DAPK1: variants seen among roughly 807,000 people sequenced by gnomAD.
The protein encoded by DAPK1 is death associated protein kinase 1, also known as death-associated protein kinase 1.
Under a neutral mutation model 144.9 loss-of-function variants are expected in DAPK1, and 56 were observed. That is an observed-to-expected ratio of 0.39 (90% CI 0.31 to 0.48). DAPK1 has a LOEUF of 0.48. DAPK1 is among the 20% of genes least tolerant of loss of function. The pLI is 0.95. For missense variants in DAPK1, 1,454 were observed against 1,875.4 expected, an observed-to-expected ratio of 0.78 and a Z score of 4.15; for synonymous variants, 690 against 749.0, an observed-to-expected ratio of 0.92 and a Z score of 1.29.
At chr9:87,501,164 T>A (rs113606342) in intron 2 of DAPK1, among the ~76,000 whole-genome samples, 1 of 152,144 alleles carries the variant, frequency 6.6e-6, no homozygotes, top group African/African-American at 2.4e-5. Context: ...TGGGCAGATA[T>A]GTGGCACAAA....
intron 2 of DAPK1, among the ~76,000 whole-genome samples, chr9:87,548,735 T>TGAGC (rs1826355558): frequency 2.0e-5 from 3 of 152,132 alleles, no homozygotes; most frequent in Non-Finnish European, 2.9e-5. Flanking sequence ...TTGCTCCTGG[T>TGAGC]GAGCGTGCAC....
At chr9:87,539,427 TCA>T in intron 2 of DAPK1, among the ~76,000 whole-genome samples, 1 of 95,424 alleles carries the variant, frequency 1.0e-5, no homozygotes, top group Non-Finnish European at 2.2e-5. Flanking sequence ...TTTAAATTTC[TCA>T]CTTTTTTTTT....
intron 10 of DAPK1, 28 bp from the exon 11 acceptor site, chr9:87,643,348 T>A: frequency 7.0e-6 from 2 of 287,444 alleles, no homozygotes; most frequent in Non-Finnish European, 9.7e-6. Flanking sequence ...CCGCCCTCCC[T>A]TTTTTTTTTT....
At chr9:87,642,619 A>G (rs1830135282) in intron 10 of DAPK1, among the ~76,000 whole-genome samples, 1 of 152,132 alleles carries the variant, frequency 6.6e-6, no homozygotes, top group African/African-American at 2.4e-5. Context: ...TAAGAAGGTG[A>G]TGGGATGGTT....
At chr9:87,515,462 T>C (rs1330917863) in intron 2 of DAPK1, among the ~76,000 whole-genome samples, 4 of 152,270 alleles carry the variant, frequency 2.6e-5, no homozygotes, top group African/African-American at 9.6e-5. Context: ...CCTCTCTGGC[T>C]CTGAAGCCCA....
chr9:87,578,874 A>G (rs962740732), intron 2 of DAPK1, among the ~76,000 whole-genome samples: 1 of 152,130 alleles, frequency 6.6e-6, no homozygotes. Context: ...TTGGGATTTG[A>G]GGCCATCTGG....
intron 2 of DAPK1, among the ~76,000 whole-genome samples, chr9:87,505,529 G>C (rs1288135406): frequency 6.6e-6 from 1 of 151,890 alleles, no homozygotes; most frequent in Non-Finnish European, 1.5e-5. Flanking sequence ...CCAAGTAGCT[G>C]GGATTACAGG....
At chr9:87,669,343 TG>T (rs10577481) in intron 19 of DAPK1, among the ~76,000 whole-genome samples, 22,799 of 140,824 alleles carry the variant, frequency 0.16, 2,805 homozygotes, top group African/African-American at 0.34. Flanking sequence ...TTGCTTGGGG[TG>T]GGGGGGGGTC....
intron 2 of DAPK1, among the ~76,000 whole-genome samples, chr9:87,592,711 C>G (rs36206051): frequency 6.6e-6 from 1 of 152,060 alleles, no homozygotes; most frequent in Admixed American, 6.6e-5. Flanking sequence ...AGGTCAGCCT[C>G]GTGGCTGACT....
chr9:87,608,752 A>G (rs1261868096), intron 3 of DAPK1, among the ~76,000 whole-genome samples: 1 of 152,240 alleles, frequency 6.6e-6, no homozygotes, highest in African/African-American at 2.4e-5. Context: ...AACAGCTTTT[A>G]GATGGAGTGA....
chr9:87,655,543 C>T (rs768348628), intron 17 of DAPK1, among the ~76,000 whole-genome samples: 30 of 152,134 alleles, frequency 2.0e-4, no homozygotes, highest in African/African-American at 5.8e-4. Flanking sequence ...TTCTCCATTG[C>T]GTGGTCTTGC....
chr9:87,536,988 C>CT lies in DAPK1; in HGVS notation c.62+37863dup, dbSNP rs531877877. ...GTTGATATTGGAGACATGAAGTTTT[C>CT]TTTTTTTTTTTTTTCTTGAGATGGA... On this transcript the variant is annotated intron_variant, in intron 2 of 25. Transcript: ENST00000408954. Among the ~76,000 whole-genome samples the CT allele has an allele frequency of 3.8e-3, 540 of 142,252 alleles. 2 individuals are homozygous for CT. Among genetic ancestry groups the CT allele is most frequent in the African/African-American group, 6.3e-3 (247 of 39,094 alleles). The allele number at this position is 142,252 out of a possible 152,430, so 93.3% of individuals were successfully genotyped here. A position where few individuals can be genotyped will look rare whatever the true frequency, so the allele number is the denominator to read the frequency against.
chr9:87,573,745 C>T (rs1587731193), intron 2 of DAPK1, among the ~76,000 whole-genome samples: 1 of 152,186 alleles, frequency 6.6e-6, no homozygotes, highest in East Asian at 1.9e-4. Context: ...CAGGAATTGA[C>T]CAAGCTGTGA....
intron 17 of DAPK1, among the ~76,000 whole-genome samples, chr9:87,653,758 A>G (rs903198238): frequency 2.1e-4 from 32 of 152,050 alleles, no homozygotes; most frequent in Non-Finnish European, 4.1e-4. Context: ...CAGTGGCCCA[A>G]TCTTGGCTCG....
chr9:87,621,585 T>C lies in DAPK1; in HGVS notation c.285-16358T>C, dbSNP rs185761138. Among the ~76,000 whole-genome samples, 800 of 152,316 alleles carry C rather than the reference T, an allele frequency of 5.3e-3. 10 individuals carry two copies. Among genetic ancestry groups the C allele is most frequent in the African/African-American group, 0.018 (750 of 41,576 alleles). On this transcript the variant is annotated intron_variant, in intron 3 of 25. Transcript: ENST00000408954. ...TTTTCTGAGTATTTTCCAGACTCTG[T>C]GTTTCTCTTGAAATCTAGAGCTCAG... is the stretch of plus-strand genomic sequence containing the variant.
At chr9:87,661,051 G>A (rs995441034) in intron 18 of DAPK1, among the ~76,000 whole-genome samples, 1 of 152,140 alleles carries the variant, frequency 6.6e-6, no homozygotes, top group African/African-American at 2.4e-5. Flanking sequence ...TGTTGGCCAG[G>A]ATGGTCTGGA....
chr9:87,632,227 G>C, intron 3 of DAPK1: 1 of 977,252 alleles, frequency 1.0e-6, no homozygotes, highest in African/African-American at 1.8e-5. Context: ...AGGGATAAAG[G>C]AGGATCGGTA....
At chr9:87,568,354 C>G (rs1440667183) in intron 2 of DAPK1, among the ~76,000 whole-genome samples, 2 of 152,254 alleles carry the variant, frequency 1.3e-5, no homozygotes, top group African/African-American at 4.8e-5. Flanking sequence ...TGCTCTGGAT[C>G]AAACAGACAC....
In DAPK1 at chr9:87,648,828, C is replaced by T. The variant is rs757636093; in HGVS notation, c.1377C>T (p.Asp459=). The part of the protein sequence containing the change: ...LHVAARYGHA[D]VAQLLCSFGS... ...TGGCAGCTCGCTATGGCCATGCTGA[C>T]GTGGCTCAGTTACTGTGCAGCTTCG... Residue 459 remains aspartate, a synonymous_variant, in exon 15 of 26, where the codon GAC becomes GAT. Transcript: ENST00000408954. The T allele has an allele frequency of 4.3e-6, 7 of 1,614,128 alleles. No homozygotes were observed. The highest frequency in any genetic ancestry group is 1.6e-4 in the Middle Eastern group (1 of 6,084).
Sources: gnomAD v4.1 joint callset for allele counts (sites outside exome capture counted in the v4.1 genomes callset) on GRCh38, gnomAD v4.1.1 for gene constraint, MANE v1.5 for transcripts, NCBI Gene and HGNC (gene_info 2026-07-23, HGNC 2026-07-21) for gene names.